VAT1L: variants seen among roughly 807,000 people sequenced by gnomAD.
The protein encoded by VAT1L is putative NADPH-dependent quinone oxidoreductase VAT1L.
A neutral mutation model predicts 44.1 loss-of-function variants in VAT1L; 34 were observed. The ratio of observed to expected loss-of-function variants is 0.77; its 90% CI spans 0.59 to 1.03. The LOEUF (loss-of-function observed/expected upper bound fraction) is 1.03, where lower values mean the gene tolerates loss of function less well. Ranked by LOEUF, VAT1L falls within the 50% of genes least tolerant of loss-of-function variation. The pLI is 0.00. For synonymous variants in VAT1L, 253 were observed against 202.2 expected (o/e 1.25, Z -2.13); for missense variants, 615 against 538.8 (o/e 1.14, Z -1.40).
chr16:77,889,843 T>G (rs2017244904), intron 7 of VAT1L, among the ~76,000 whole-genome samples: 1 of 152,136 alleles, frequency 6.6e-6, no homozygotes, highest in African/African-American at 2.4e-5. Flanking sequence ...TCCCAGCACT[T>G]TGGGAGGCTG....
At chr16:77,859,467 G>T (rs1490615679) in intron 3 of VAT1L, among the ~76,000 whole-genome samples, 1 of 152,186 alleles carries the variant, frequency 6.6e-6, no homozygotes, top group Non-Finnish European at 1.5e-5. Flanking sequence ...GACTGGGTCA[G>T]ATAATAGGGG....
intron 7 of VAT1L, among the ~76,000 whole-genome samples, chr16:77,919,936 T>C (rs1334601403): frequency 6.6e-6 from 1 of 151,948 alleles, no homozygotes; most frequent in Non-Finnish European, 1.5e-5. Context: ...AATAAATAAA[T>C]AGCCGAGTAT....
At chr16:77,835,831 C>T (rs1200341812) in intron 3 of VAT1L, among the ~76,000 whole-genome samples, 2 of 151,996 alleles carry the variant, frequency 1.3e-5, no homozygotes, top group African/African-American at 4.8e-5. Flanking sequence ...CAAGATCATG[C>T]CTTTGCACTC....
chr16:77,834,166 G>A (rs1424792776), intron 3 of VAT1L, among the ~76,000 whole-genome samples: 3 of 152,142 alleles, frequency 2.0e-5, no homozygotes, highest in Non-Finnish European at 4.4e-5. Flanking sequence ...GACACACACG[G>A]CTCTCATTAT....
rs147751627 is a variant in VAT1L at position 77,827,784 on chromosome 16, CTG to C, written c.579+2326_579+2327del. 5.8e-3 allele frequency among the ~76,000 whole-genome samples: 889 copies of C among 152,274 alleles called. 15 individuals are homozygous for C. Among genetic ancestry groups the C allele is most frequent in the East Asian group, 0.028 (143 of 5,176 alleles). The stretch of plus-strand genomic sequence containing the variant: ...GGGGACCAGAGGACTCTTTCTTTCT[CTG>C]TGGTTTCTCATAAGAAATGTATGGT... On this transcript the variant is annotated intron_variant, in intron 3 of 8. Coordinates refer to ENST00000302536, the MANE Select transcript of VAT1L (RefSeq NM_020927.3).
At position 77,876,423 on chromosome 16, in the gene VAT1L, C is replaced by A. The variant is rs1310736790; in HGVS notation, c.776C>A (p.Thr259Asn). The A allele has an allele frequency of 1.2e-6, 2 of 1,614,056 alleles. No homozygotes were observed. Among genetic ancestry groups the A allele is most frequent in the Non-Finnish European group, 1.7e-6 (2 of 1,180,030 alleles). ...IVLDCLCGDN[T>N]GKGLSLLKPL... ...TTGGATTGCCTCTGTGGGGACAACA[C>A]TGGAAAAGGTCTCAGTCTTCTCAAA... Residue 259 changes from threonine to asparagine, a missense_variant, in exon 5 of 9, where the codon ACT (threonine) becomes AAT (asparagine). Transcript: ENST00000302536.
intron 7 of VAT1L, among the ~76,000 whole-genome samples, chr16:77,955,676 G>A (rs1443158196): frequency 6.7e-6 from 1 of 148,390 alleles, no homozygotes; most frequent in Non-Finnish European, 1.5e-5. Flanking sequence ...AGTGAGCTGA[G>A]ATCGCAACAC....
rs369527382 is a variant in VAT1L, at chr16:77,958,196, C to G, written c.1078-13654C>G. Reference sequence around the variant, plus strand: ...TGCTGGGATTACAGGCATGAACCACCATGCCTGGCCTTCTTGGGTTATTTA... The same window carrying G: ...TGCTGGGATTACAGGCATGAACCACGATGCCTGGCCTTCTTGGGTTATTTA... On this transcript the variant is annotated intron_variant, in intron 7 of 8. Coordinates refer to ENST00000302536, the MANE Select transcript of VAT1L (RefSeq NM_020927.3). Among the ~76,000 whole-genome samples, 383 of 152,252 alleles carry G rather than the reference C, an allele frequency of 2.5e-3. 3 individuals are homozygous for G. In the South Asian group the frequency reaches 0.049, roughly 20 times the overall value.
intron 3 of VAT1L, 122 bp from the exon 4 acceptor site, chr16:77,862,623 TAAA>T (rs34096024): frequency 0.033 from 13,004 of 391,434 alleles, no homozygotes; most frequent in Non-Finnish European, 0.036. Flanking sequence ...ACTCCATCTC[TAAA>T]AAAAAAAAAA....
At chr16:77,818,436 G>A (rs1373623566) in intron 2 of VAT1L, among the ~76,000 whole-genome samples, 1 of 152,010 alleles carries the variant, frequency 6.6e-6, no homozygotes, top group Non-Finnish European at 1.5e-5. Context: ...TTTGTCCCCA[G>A]GTAAGCAGTG....
intron 3 of VAT1L, among the ~76,000 whole-genome samples, chr16:77,847,761 G>A (rs1236298299): frequency 6.6e-6 from 1 of 152,242 alleles, no homozygotes; most frequent in African/African-American, 2.4e-5. Context: ...TGTAGAGACT[G>A]TGAGATGTTG....
chr16:77,874,838 G>GT (rs1275197240), intron 4 of VAT1L, among the ~76,000 whole-genome samples: 2 of 74,962 alleles, frequency 2.7e-5, no homozygotes, highest in Non-Finnish European at 5.3e-5. Flanking sequence ...AAATTAATTT[G>GT]TAAAAAAAAA....
chr16:77,827,006 G>A (rs186154709), intron 3 of VAT1L, among the ~76,000 whole-genome samples: 113 of 152,068 alleles, frequency 7.4e-4, no homozygotes, highest in Non-Finnish European at 1.3e-3. Context: ...GCACATTTCC[G>A]TTGTTTGTAT....
chr16:77,950,814 G>A (rs562317142), intron 7 of VAT1L, among the ~76,000 whole-genome samples: 1 of 152,268 alleles, frequency 6.6e-6, no homozygotes, highest in East Asian at 1.9e-4. Context: ...GCAAACATAA[G>A]GAAAGGATCC....
intron 7 of VAT1L, among the ~76,000 whole-genome samples, chr16:77,962,368 C>T (rs2018169596): frequency 6.6e-6 from 1 of 152,068 alleles, no homozygotes; most frequent in Non-Finnish European, 1.5e-5. Context: ...CTTTGCATGG[C>T]TGTCCCTTTG....
At position 77,978,889 on chromosome 16, in the gene VAT1L, A is replaced by T. The variant is rs2018369679; in HGVS notation, c.*1194A>T. ...TTGACTGTGCTTGAGAGGTGAATACAGTTACCTTCGAGAAACAGAGGGAGC... is the reference window on the plus strand; with the variant it reads ...TTGACTGTGCTTGAGAGGTGAATACTGTTACCTTCGAGAAACAGAGGGAGC... On this transcript the variant is annotated 3_prime_UTR_variant, in exon 9 of 9. Transcript: ENST00000302536. The T allele has an allele frequency of 6.6e-6, 1 of 152,214 alleles. No homozygotes were observed. The highest frequency in any genetic ancestry group is 6.5e-5 in the Admixed American group (1 of 15,282). The allele number at this position is 152,214 out of a possible 1,614,324, so 9.4% of individuals were successfully genotyped here.
At chr16:77,943,488 C>G (rs2017917939) in intron 7 of VAT1L, among the ~76,000 whole-genome samples, 1 of 151,262 alleles carries the variant, frequency 6.6e-6, no homozygotes, top group South Asian at 2.1e-4. Flanking sequence ...CAAGCTCCAC[C>G]TCCCGGGTTC....
intron 3 of VAT1L, among the ~76,000 whole-genome samples, chr16:77,833,768 A>G (rs1200450706): frequency 6.6e-6 from 1 of 151,832 alleles, no homozygotes; most frequent in South Asian, 2.1e-4. Context: ...AAGAAAAAGA[A>G]AAAAAAGAAA....
chr16:77,828,112 A>C (rs1464842642), intron 3 of VAT1L, among the ~76,000 whole-genome samples: 1 of 152,186 alleles, frequency 6.6e-6, no homozygotes, highest in Non-Finnish European at 1.5e-5. Context: ...GATTTTTGGC[A>C]AAGTGCAGAT....
Sources: allele counts gnomAD v4.1 joint callset (sites outside exome capture counted in the v4.1 genomes callset), GRCh38; gene constraint gnomAD v4.1.1; transcripts MANE v1.5; gene names NCBI Gene and HGNC (gene_info 2026-07-23, HGNC 2026-07-21).